Variants in CLIC5 observed in about 807,000 individuals in gnomAD.
CLIC5 encodes CLIC family member 5.
CLIC5 carries 20 observed loss-of-function variants against 24.7 expected under a neutral mutation model. The ratio of observed to expected loss-of-function variants is 0.81; its 90% CI spans 0.57 to 1.18. The LOEUF (loss-of-function observed/expected upper bound fraction) is 1.18. Ranked by LOEUF, CLIC5 falls within the 50% of genes most tolerant of loss-of-function variation. The pLI, the probability that CLIC5 is intolerant of heterozygous loss-of-function variation, is 0.00. For missense variants in CLIC5, 341 were observed against 326.1 expected (o/e 1.05, Z -0.35); for synonymous variants, 159 against 135.6 (o/e 1.17, Z -1.20).
intron 1 of CLIC5, among the ~76,000 whole-genome samples, chr6:46,006,000 T>TTTATATGTATATATA (rs1554160600): frequency 9.4e-6 from 1 of 106,166 alleles, no homozygotes; most frequent in African/African-American, 3.3e-5. Flanking sequence ...ATATATATAT[T>TTTATATGTATATATA]TATATATATA....
chr6:46,062,426 T>A (rs1762310741), intron 1 of CLIC5, among the ~76,000 whole-genome samples: 1 of 152,262 alleles, frequency 6.6e-6, no homozygotes, highest in Non-Finnish European at 1.5e-5. Flanking sequence ...TACTGTCTTA[T>A]TTATTTAAGC....
chr6:45,990,116 A>C (rs1765882088), intron 1 of CLIC5, among the ~76,000 whole-genome samples: 1 of 152,174 alleles, frequency 6.6e-6, no homozygotes, highest in Non-Finnish European at 1.5e-5. Context: ...CAGGGTTGTT[A>C]GGACAATTAA....
the CLIC5 span, among the ~76,000 whole-genome samples, chr6:46,085,583 A>G: frequency 6.6e-6 from 1 of 152,202 alleles, no homozygotes; most frequent in Non-Finnish European, 1.5e-5. Flanking sequence ...TGGCTGCAGA[A>G]CAGCAGATTT....
chr6:45,948,180 G>C (rs981172412), intron 3 of CLIC5, among the ~76,000 whole-genome samples: 8 of 152,224 alleles, frequency 5.3e-5, no homozygotes, highest in Admixed American at 5.2e-4. Flanking sequence ...GGCTATAAAA[G>C]TGTTGATGAA....
intron 4 of CLIC5, among the ~76,000 whole-genome samples, chr6:45,939,870 A>C (rs1052968342): frequency 1.5e-4 from 22 of 151,394 alleles, no homozygotes; most frequent in Admixed American, 1.4e-3. Flanking sequence ...CAGGCTAGAC[A>C]TGAATTCTGG....
intron 4 of CLIC5, among the ~76,000 whole-genome samples, chr6:45,919,842 A>G (rs1346795729): frequency 6.6e-6 from 1 of 152,216 alleles, no homozygotes; most frequent in Non-Finnish European, 1.5e-5. Flanking sequence ...TCTGAGGTCA[A>G]TGAATGCCTA....
chr6:46,049,558 G>A (rs993176656), intron 1 of CLIC5, among the ~76,000 whole-genome samples: 1 of 152,140 alleles, frequency 6.6e-6, no homozygotes, highest in Non-Finnish European at 1.5e-5. Context: ...AAAAATACAG[G>A]CTTTGGAGAC....
intron 1 of CLIC5, among the ~76,000 whole-genome samples, chr6:45,995,775 C>T (rs538834824): frequency 1.9e-4 from 29 of 152,070 alleles, no homozygotes; most frequent in Non-Finnish European, 3.4e-4. Flanking sequence ...CCATGGAATA[C>T]TATGCAGCCA....
chr6:46,058,944 G>A (rs995457260), intron 1 of CLIC5, among the ~76,000 whole-genome samples: 3 of 152,248 alleles, frequency 2.0e-5, no homozygotes, highest in African/African-American at 7.2e-5. Flanking sequence ...TGTGTTGGAA[G>A]TTCTGGTGCA....
chr6:45,896,357 T>C (rs947880961), downstream of CLIC5, among the ~76,000 whole-genome samples: 8 of 152,244 alleles, frequency 5.3e-5, no homozygotes, highest in African/African-American at 1.9e-4. Context: ...AAAAGTACTC[T>C]TCATCAGAGA....
rs565565269 is a variant in CLIC5 at position 45,937,584 on chromosome 6, G to A, written c.406+3963C>T. The A allele has an allele frequency of 4.6e-5, 7 of 152,364 alleles. No homozygotes were observed. The South Asian group carries it at 1.0e-3, about 23-fold the overall frequency. The allele number at this position is 152,364 out of a possible 1,614,324, so 9.4% of individuals were successfully genotyped here. On this transcript the variant is annotated intron_variant, in intron 4 of 5. Coordinates refer to ENST00000339561, the MANE Select transcript of CLIC5 (RefSeq NM_016929.5). ...TCCCTGTAGATTGTTAGTTCATGGA[G>A]GGCAATGACTTTGTCTCGTTGCCTT...
chr6:45,914,672 T>C (rs1245016454), intron 4 of CLIC5: 2 of 468,986 alleles, frequency 4.3e-6, no homozygotes, highest in Non-Finnish European at 5.8e-6. Context: ...AGAAACACAG[T>C]CTGGGTGTGG....
intron 6 of CLIC5, among the ~76,000 whole-genome samples, chr6:45,890,261 CT>C (rs1248398249): frequency 1.3e-5 from 2 of 151,988 alleles, no homozygotes; most frequent in Non-Finnish European, 2.9e-5. Context: ...TCTATTTTCG[CT>C]TTCATTTCTC....
chr6:46,006,436 G>C (rs377553237), intron 1 of CLIC5, among the ~76,000 whole-genome samples: 1 of 151,538 alleles, frequency 6.6e-6, no homozygotes, highest in Non-Finnish European at 1.5e-5. Flanking sequence ...GAGCCACTGC[G>C]CCTGGCCCCT....
At chr6:45,916,922 C>T (rs1459112398) in intron 4 of CLIC5, among the ~76,000 whole-genome samples, 4 of 152,190 alleles carry the variant, frequency 2.6e-5, no homozygotes, top group East Asian at 3.9e-4. Context: ...TGGTAACAGC[C>T]GTGGTAGAGG....
intron 1 of CLIC5, among the ~76,000 whole-genome samples, chr6:45,991,908 C>T (rs944150839): frequency 6.6e-6 from 1 of 152,178 alleles, no homozygotes; most frequent in Admixed American, 6.5e-5. Flanking sequence ...AAAAATTAGA[C>T]TTTAATTGTT....
At chr6:46,053,970 T>C (rs1440875567) in intron 1 of CLIC5, among the ~76,000 whole-genome samples, 1 of 152,198 alleles carries the variant, frequency 6.6e-6, no homozygotes, top group Non-Finnish European at 1.5e-5. Context: ...CAAAGTTATT[T>C]TGACCAGTGG....
At chr6:46,077,431 G>C (rs1762802833) in intron 1 of CLIC5, among the ~76,000 whole-genome samples, 1 of 152,006 alleles carries the variant, frequency 6.6e-6, no homozygotes, top group Non-Finnish European at 1.5e-5. Context: ...GTGAGCCACA[G>C]AGCTCCCTCC....
At chr6:45,981,028 T>C (rs149633762) in intron 1 of CLIC5, among the ~76,000 whole-genome samples, 2,445 of 152,248 alleles carry the variant, frequency 0.016, 80 homozygotes, top group African/African-American at 0.057. Flanking sequence ...TGAAGTGCAG[T>C]GGTGTGATCT....
Sources: gnomAD v4.1 joint callset for allele counts (sites outside exome capture counted in the v4.1 genomes callset) on GRCh38, gnomAD v4.1.1 for gene constraint, MANE v1.5 for transcripts, NCBI Gene and HGNC (gene_info 2026-07-23, HGNC 2026-07-21) for gene names.